Variants in PLCB4 observed in about 807,000 individuals in gnomAD.
The protein encoded by PLCB4 is 1-phosphatidylinositol 4,5-bisphosphate phosphodiesterase beta-4.
Under a neutral mutation model 178.8 loss-of-function variants are expected in PLCB4, and 77 were observed. The ratio of observed to expected loss-of-function variants is 0.43; its 90% CI spans 0.36 to 0.52. The LOEUF (loss-of-function observed/expected upper bound fraction) is 0.52. Among genes scored for constraint, PLCB4 ranks in the 20% least tolerant of loss-of-function variants. The probability of loss-of-function intolerance (pLI) is 0.00; values close to 1 mark genes in which losing one functional copy is unlikely to be tolerated. For missense variants in PLCB4, 1,024 were observed against 1,453.4 expected, an observed-to-expected ratio of 0.70 and a Z score of 4.80; for synonymous variants, 496 against 490.8, an observed-to-expected ratio of 1.01 and a Z score of -0.14.
intron 25 of PLCB4, among the ~76,000 whole-genome samples, chr20:9,413,496 A>G (rs985869025): frequency 3.3e-5 from 5 of 151,942 alleles, no homozygotes; most frequent in African/African-American, 1.2e-4. Context: ...CGTCTCTACT[A>G]AAAATACAAA....
At chr20:9,353,526 C>G (rs995045441) in intron 7 of PLCB4, among the ~76,000 whole-genome samples, 5 of 152,226 alleles carry the variant, frequency 3.3e-5, no homozygotes, top group African/African-American at 1.2e-4. Context: ...GTTATACAAA[C>G]AAACATTAGT....
At chr20:9,342,979 CA>C (rs1027949457) in intron 7 of PLCB4, among the ~76,000 whole-genome samples, 3 of 152,016 alleles carry the variant, frequency 2.0e-5, no homozygotes, top group African/African-American at 7.2e-5. Context: ...GGTTTGAAAA[CA>C]AAAGTAACCC....
At chr20:9,090,200 T>G (rs899364881) in intron 1 of PLCB4, among the ~76,000 whole-genome samples, 1 of 149,856 alleles carries the variant, frequency 6.7e-6, no homozygotes, top group African/African-American at 2.5e-5. Flanking sequence ...AGTGTTATAG[T>G]GTTATTTAAT....
chr20:9,209,439 G>A (rs1225671521), intron 2 of PLCB4, among the ~76,000 whole-genome samples: 2 of 151,478 alleles, frequency 1.3e-5, no homozygotes, highest in African/African-American at 2.4e-5. Flanking sequence ...TGACTATGAC[G>A]GGATGTCACT....
At chr20:9,452,443 A>G (rs2042823851) in intron 32 of PLCB4, among the ~76,000 whole-genome samples, 1 of 152,048 alleles carries the variant, frequency 6.6e-6, no homozygotes, top group Non-Finnish European at 1.5e-5. Flanking sequence ...ATAGCATCCC[A>G]TTTTTCTGGT....
At chr20:9,129,791 C>T (rs766210505) in intron 2 of PLCB4, among the ~76,000 whole-genome samples, 4 of 152,104 alleles carry the variant, frequency 2.6e-5, no homozygotes, top group Non-Finnish European at 4.4e-5. Flanking sequence ...ATTTTTGCTT[C>T]GTTTCTAACT....
Position 9,338,923 on chromosome 20 carries a change from T to C in PLCB4, c.255T>C (p.Ala85=). 3 of 1,613,616 alleles carry C rather than the reference T, an allele frequency of 1.9e-6. No individual in the cohort carries two copies. The highest frequency in any genetic ancestry group is 2.5e-6 in the Non-Finnish European group (3 of 1,179,654). ...KDPKILAALE[A]VGKSENDLEG... ...CCAAAATCTTGGCTGCTCTTGAAGC[T>C]GTTGGAAAATCAGAAAATGATCTGG... The change falls in exon 7 of 40, where the codon GCT becomes GCC. Residue 85 remains alanine, a synonymous_variant. Transcript: ENST00000378473.
intron 7 of PLCB4, among the ~76,000 whole-genome samples, chr20:9,358,539 T>C (rs887018411): frequency 1.5e-4 from 23 of 152,210 alleles, no homozygotes; most frequent in African/African-American, 5.3e-4. Flanking sequence ...TGCTGCCTGA[T>C]GAATAATAGG....
chr20:9,401,630 A>G, intron 20 of PLCB4, 40 bp downstream of exon 20: 1 of 1,353,146 alleles, frequency 7.4e-7, no homozygotes, highest in Non-Finnish European at 1.1e-6. Flanking sequence ...AAGAGGTAGC[A>G]GCTGTTATTT....
chr20:9,449,048 C>G (rs1397676389), intron 32 of PLCB4, among the ~76,000 whole-genome samples: 2 of 152,170 alleles, frequency 1.3e-5, no homozygotes, highest in Admixed American at 1.3e-4. Context: ...ATTTGACCCT[C>G]TGAATGTACT....
At chr20:9,320,063 G>GTGAAA (rs2094942714) in intron 4 of PLCB4, among the ~76,000 whole-genome samples, 1 of 152,168 alleles carries the variant, frequency 6.6e-6, no homozygotes, top group Non-Finnish European at 1.5e-5. Flanking sequence ...ACAGAGTAAA[G>GTGAAA]TGAAAGCAAG....
chr20:9,203,530 C>T (rs1601118848), intron 2 of PLCB4, among the ~76,000 whole-genome samples: 1 of 152,216 alleles, frequency 6.6e-6, no homozygotes, highest in East Asian at 1.9e-4. Flanking sequence ...ATAGTTATGT[C>T]AGTGCAGAAA....
chr20:9,185,160 C>T (rs1012650490), intron 2 of PLCB4, among the ~76,000 whole-genome samples: 1 of 152,158 alleles, frequency 6.6e-6, no homozygotes, highest in Non-Finnish European at 1.5e-5. Context: ...GCCTTGGCCT[C>T]CCAAGTTGCT....
intron 28 of PLCB4, among the ~76,000 whole-genome samples, chr20:9,430,925 A>G (rs910815066): frequency 2.6e-5 from 4 of 152,224 alleles, no homozygotes; most frequent in African/African-American, 9.6e-5. Context: ...TGGAAGATGC[A>G]TACCCAAGAA....
intron 3 of PLCB4, among the ~76,000 whole-genome samples, chr20:9,232,128 A>G (rs1005630489): frequency 6.6e-6 from 1 of 152,166 alleles, no homozygotes; most frequent in Non-Finnish European, 1.5e-5. Flanking sequence ...TAGAAAGCAG[A>G]TCAGTGGTTG....
chr20:9,439,799 T>G (rs6118616), intron 30 of PLCB4, among the ~76,000 whole-genome samples: 62,984 of 152,120 alleles, frequency 0.41, 15,340 homozygotes, highest in African/African-American at 0.68. Flanking sequence ...TTATCACAAT[T>G]TATATGGTCT....
chr20:9,360,030 C>T (rs764426887), intron 7 of PLCB4, among the ~76,000 whole-genome samples: 2 of 152,136 alleles, frequency 1.3e-5, no homozygotes, highest in Non-Finnish European at 2.9e-5. Context: ...TTTACCATGT[C>T]GTGAGGAGAG....
At chr20:9,397,003 G>A (rs2038640799) in intron 19 of PLCB4, among the ~76,000 whole-genome samples, 1 of 152,122 alleles carries the variant, frequency 6.6e-6, no homozygotes, top group East Asian at 1.9e-4. Flanking sequence ...TGCATCAATT[G>A]ACCCTTCTTT....
intron 20 of PLCB4, 94 bp from the exon 21 acceptor site, chr20:9,405,219 C>A: frequency 1.6e-6 from 1 of 637,952 alleles, no homozygotes; most frequent in Non-Finnish European, 2.7e-6. Flanking sequence ...ACAAGTTTAC[C>A]TACACTTATT....
Sources: gnomAD v4.1 joint callset for allele counts (sites outside exome capture counted in the v4.1 genomes callset) on GRCh38, gnomAD v4.1.1 for gene constraint, MANE v1.5 for transcripts, NCBI Gene and HGNC (gene_info 2026-07-23, HGNC 2026-07-21) for gene names.